Variants in ARHGAP26 observed in about 807,000 individuals in gnomAD.
ARHGAP26 encodes the protein Rho GTPase activating protein 26.
ARHGAP26 carries 38 observed loss-of-function variants against 104.8 expected under a neutral mutation model. That is an observed-to-expected ratio of 0.36 (90% CI 0.28 to 0.48). ARHGAP26 has a LOEUF of 0.48. ARHGAP26 is among the 20% of genes least tolerant of loss of function. ARHGAP26 has a pLI of 0.99. For synonymous variants in ARHGAP26, 341 were observed against 340.0 expected, an observed-to-expected ratio of 1.00 and a Z score of -0.03; for missense variants, 704 against 947.9, an observed-to-expected ratio of 0.74 and a Z score of 3.38.
chr5:142,986,339 CT>C (rs747805052), intron 11 of ARHGAP26, among the ~76,000 whole-genome samples: 70 of 152,270 alleles, frequency 4.6e-4, no homozygotes, highest in Non-Finnish European at 6.6e-4. Flanking sequence ...TCTTTGCCCA[CT>C]TTTTGATGGG....
At chr5:143,026,351 G>A (rs1359058530) in intron 12 of ARHGAP26, among the ~76,000 whole-genome samples, 1 of 152,168 alleles carries the variant, frequency 6.6e-6, no homozygotes, top group Non-Finnish European at 1.5e-5. Context: ...TATAATTTCT[G>A]GTAGAGATGA....
chr5:142,841,116 A>G (rs1443647196), intron 1 of ARHGAP26, among the ~76,000 whole-genome samples: 1 of 152,122 alleles, frequency 6.6e-6, no homozygotes, highest in African/African-American at 2.4e-5. Context: ...TACCCCACCC[A>G]TACAATAAAG....
At chr5:143,037,422 G>A (rs1230920256) in intron 13 of ARHGAP26, among the ~76,000 whole-genome samples, 161 bp downstream of exon 13, 1 of 152,274 alleles carries the variant, frequency 6.6e-6, no homozygotes, top group Middle Eastern at 3.4e-3. Flanking sequence ...CAAGCAGGAG[G>A]TCCTAACTGA....
chr5:143,064,669 A>G (rs992774545), intron 17 of ARHGAP26, among the ~76,000 whole-genome samples: 1 of 152,178 alleles, frequency 6.6e-6, no homozygotes, highest in Non-Finnish European at 1.5e-5. Flanking sequence ...AATTAATGGA[A>G]ATGGAAAGGA....
At chr5:142,931,426 C>T (rs1764699160) in intron 10 of ARHGAP26, among the ~76,000 whole-genome samples, 1 of 152,138 alleles carries the variant, frequency 6.6e-6, no homozygotes, top group Non-Finnish European at 1.5e-5. Flanking sequence ...AGAGAGCAAG[C>T]AGATTTCAGT....
chr5:142,931,736 A>G (rs1764749629), intron 10 of ARHGAP26, among the ~76,000 whole-genome samples: 1 of 152,178 alleles, frequency 6.6e-6, no homozygotes, highest in Admixed American at 6.5e-5. Context: ...GAGGTCTAGA[A>G]ATGAATAAGA....
chr5:142,776,786 T>TA (rs1756403832), intron 1 of ARHGAP26, among the ~76,000 whole-genome samples: 1 of 152,222 alleles, frequency 6.6e-6, no homozygotes, highest in East Asian at 1.9e-4. Flanking sequence ...GGTTGTATGG[T>TA]AAATTTATGT....
At chr5:142,875,000 C>T in intron 2 of ARHGAP26, 110 bp from the exon 3 acceptor site, 1 of 837,924 alleles carries the variant, frequency 1.2e-6, no homozygotes, top group Non-Finnish European at 2.0e-6. Flanking sequence ...TGACTTTAGG[C>T]ATCTGTATGT....
chr5:143,040,433 A>G (rs1783289789), intron 13 of ARHGAP26, among the ~76,000 whole-genome samples: 1 of 152,122 alleles, frequency 6.6e-6, no homozygotes, highest in African/African-American at 2.4e-5. Flanking sequence ...AGTATTTTAT[A>G]CTGGCCTTGA....
chr5:142,815,714 C>G (rs1409451837), intron 1 of ARHGAP26, among the ~76,000 whole-genome samples: 1 of 152,208 alleles, frequency 6.6e-6, no homozygotes, highest in Non-Finnish European at 1.5e-5. Flanking sequence ...TTTGCCACTT[C>G]CCCTTCTCAC....
chr5:142,996,977 C>A (rs528214699), intron 11 of ARHGAP26, among the ~76,000 whole-genome samples: 205 of 152,176 alleles, frequency 1.3e-3, no homozygotes, highest in African/African-American at 4.8e-3. Context: ...TACAACCATT[C>A]AAAACCTAGT....
At chr5:143,090,268 A>G (rs890776960) in intron 17 of ARHGAP26, among the ~76,000 whole-genome samples, 12 of 152,358 alleles carry the variant, frequency 7.9e-5, no homozygotes, top group Admixed American at 5.9e-4. Context: ...GGTTGACTGG[A>G]GGACCACCCT....
intron 6 of ARHGAP26, among the ~76,000 whole-genome samples, chr5:142,894,560 G>A (rs146319464): frequency 1.4e-4 from 22 of 152,268 alleles, no homozygotes; most frequent in Admixed American, 7.8e-4. Context: ...GAGATAGAGC[G>A]TCCAGCAGTC....
chr5:143,048,731 T>C (rs1426026454), intron 14 of ARHGAP26, among the ~76,000 whole-genome samples: 1 of 151,380 alleles, frequency 6.6e-6, no homozygotes, highest in Non-Finnish European at 1.5e-5. Flanking sequence ...TTGGCCAACA[T>C]GGTGAAACCC....
At chr5:143,010,530 C>T (rs970479252) in intron 11 of ARHGAP26, among the ~76,000 whole-genome samples, 2 of 152,204 alleles carry the variant, frequency 1.3e-5, no homozygotes, top group Non-Finnish European at 2.9e-5. Context: ...TTGTTGGGCC[C>T]TGTAGTCACA....
At chr5:142,971,537 C>CT (rs1284177377) in intron 11 of ARHGAP26, among the ~76,000 whole-genome samples, 10 of 152,170 alleles carry the variant, frequency 6.6e-5, no homozygotes, top group Admixed American at 6.5e-4. Flanking sequence ...TTAATCATAT[C>CT]TTTAAGCGAA....
chr5:142,771,150 C>A, intron 1 of ARHGAP26: 1 of 1,292,916 alleles, frequency 7.7e-7, no homozygotes, highest in Non-Finnish European at 9.8e-7. Context: ...GGGAGGTGAC[C>A]CAGCGCGGGT....
intron 17 of ARHGAP26, among the ~76,000 whole-genome samples, chr5:143,093,421 A>G (rs1294292928): frequency 6.6e-6 from 1 of 152,196 alleles, no homozygotes; most frequent in Non-Finnish European, 1.5e-5. Context: ...AAGACCTTCA[A>G]TTATCAATTA....
intron 1 of ARHGAP26, among the ~76,000 whole-genome samples, chr5:142,825,835 G>A (rs1207491138): frequency 6.6e-6 from 1 of 152,178 alleles, no homozygotes; most frequent in Non-Finnish European, 1.5e-5. Flanking sequence ...ATTTATAGGT[G>A]TCCTTGGCGG....
Sources: gnomAD v4.1 joint callset for allele counts (sites outside exome capture counted in the v4.1 genomes callset) on GRCh38, gnomAD v4.1.1 for gene constraint, MANE v1.5 for transcripts, NCBI Gene and HGNC (gene_info 2026-07-23, HGNC 2026-07-21) for gene names.